ST3GAL6: variants seen among roughly 807,000 people sequenced by gnomAD.
ST3GAL6 encodes ST3 beta-galactoside alpha-2,3-sialyltransferase 6, also known as type 2 lactosamine alpha-2,3-sialyltransferase.
Under a neutral mutation model 40.5 loss-of-function variants are expected in ST3GAL6, and 31 were observed. The observed-to-expected ratio is 0.77, with a 90% CI of 0.58 to 1.03. The LOEUF (loss-of-function observed/expected upper bound fraction) is 1.03. Among genes scored for constraint, ST3GAL6 ranks in the 50% least tolerant of loss-of-function variants. ST3GAL6 has a pLI of 0.00. For missense variants in ST3GAL6, 357 were observed against 393.2 expected, an observed-to-expected ratio of 0.91 and a Z score of 0.78; for synonymous variants, 129 against 136.9, an observed-to-expected ratio of 0.94 and a Z score of 0.40.
chr3:98,776,483 T>C (rs1218815807), intron 5 of ST3GAL6, among the ~76,000 whole-genome samples: 1 of 152,234 alleles, frequency 6.6e-6, no homozygotes, highest in East Asian at 1.9e-4. Flanking sequence ...TGTGAATTTG[T>C]GAGCTGGGCC....
chr3:98,774,898 T>C (rs112077878), intron 5 of ST3GAL6, among the ~76,000 whole-genome samples: 9 of 152,210 alleles, frequency 5.9e-5, no homozygotes, highest in African/African-American at 2.2e-4. Flanking sequence ...TTCATTTCAG[T>C]TTTTTATAAC....
chr3:98,762,862 T>C, upstream of ST3GAL6: 3 of 985,418 alleles, frequency 3.0e-6, no homozygotes, highest in Non-Finnish European at 3.6e-6. Flanking sequence ...GATTTCATCC[T>C]TATGTGAAAA....
At chr3:98,739,439 C>CTCTT (rs1935869647) in intron 1 of ST3GAL6, among the ~76,000 whole-genome samples, 1 of 151,914 alleles carries the variant, frequency 6.6e-6, no homozygotes, top group Non-Finnish European at 1.5e-5. Context: ...AAACACAGAC[C>CTCTT]TCTTGTCTTT....
chr3:98,774,909 T>C (rs1316096953), intron 5 of ST3GAL6, among the ~76,000 whole-genome samples: 1 of 152,244 alleles, frequency 6.6e-6, no homozygotes, highest in Non-Finnish European at 1.5e-5. Flanking sequence ...TTTTTATAAC[T>C]TCAAACTATG....
intron 6 of ST3GAL6, among the ~76,000 whole-genome samples, chr3:98,787,720 G>A (rs1301748627): frequency 6.6e-6 from 1 of 152,134 alleles, no homozygotes; most frequent in East Asian, 1.9e-4. Context: ...TTTCAACTCT[G>A]GTATCCTGTG....
rs559630932 is a variant in ST3GAL6 at position 98,756,406 on chromosome 3, A to T, written c.-11-12024A>T. 4,555 of 1,289,458 alleles carry T rather than the reference A, an allele frequency of 3.5e-3. 17 individuals carry two copies. Among genetic ancestry groups the T allele is most frequent in the Non-Finnish European group, 4.3e-3 (4,249 of 988,566 alleles). 79.9% of individuals were successfully genotyped at this position (1,289,458 alleles called of 1,614,324 possible). ...AGGAAGCAGCACAACCCTGGGTTTT[A>T]GATAATTTCTAACAGAGAGGCCCCA... On this transcript the variant is annotated intron_variant, in intron 1 of 9. Transcript: ENST00000265261.
At chr3:98,768,736 A>G (rs939916761) in intron 2 of ST3GAL6, among the ~76,000 whole-genome samples, 6 of 152,268 alleles carry the variant, frequency 3.9e-5, no homozygotes, top group African/African-American at 7.2e-5. Flanking sequence ...CCTACTTTCT[A>G]TTGACTTCCC....
At chr3:98,757,672 C>T (rs375176922) in intron 1 of ST3GAL6, among the ~76,000 whole-genome samples, 23 of 152,156 alleles carry the variant, frequency 1.5e-4, no homozygotes, top group East Asian at 7.7e-4. Flanking sequence ...TTGGGTATCC[C>T]GGGGGAAGTT....
intron 1 of ST3GAL6, among the ~76,000 whole-genome samples, chr3:98,756,186 C>T (rs1576059024): frequency 6.6e-6 from 1 of 152,152 alleles, no homozygotes. Context: ...GTAATATGTA[C>T]TGTTGGATTT....
chr3:98,732,568 C>T (rs1216981512), intron 1 of ST3GAL6: 3 of 337,208 alleles, frequency 8.9e-6, no homozygotes, highest in Non-Finnish European at 1.6e-5. Flanking sequence ...TGGTCCCCAA[C>T]GCCTCACCCT....
intron 5 of ST3GAL6, among the ~76,000 whole-genome samples, chr3:98,779,084 A>G (rs1173183756): frequency 2.0e-5 from 3 of 152,168 alleles, no homozygotes; most frequent in Admixed American, 2.0e-4. Flanking sequence ...GGATTGAGTT[A>G]GTGGCTCAGT....
At position 98,734,298 on chromosome 3, in the gene ST3GAL6, G is replaced by A. The variant is rs80169990; in HGVS notation, c.-12+1766G>A. Among the ~76,000 whole-genome samples, 661 of 152,224 alleles carry A rather than the reference G, an allele frequency of 4.3e-3. 6 individuals carry two copies. Among genetic ancestry groups the A allele is most frequent in the African/African-American group, 0.014 (600 of 41,530 alleles). On this transcript the variant is annotated intron_variant, in intron 1 of 9. Transcript: ENST00000265261. ...AGTTGGTTTATGTTGCTTCCTTTTT[G>A]TTTCACTAAGAACGCTTTTCATACC...
At position 98,788,445 on chromosome 3, in the gene ST3GAL6, AGT is replaced by A. The variant is rs1366127818; in HGVS notation, c.741_742del (p.Phe248SerfsTer7). Reference sequence around the variant, plus strand: ...CTTATGAACTGCTTCATTTTCCAAAAGTGTTTCCCAAAAATCAGGTATGTATT... The same window carrying A: ...CTTATGAACTGCTTCATTTTCCAAAAGTTTCCCAAAAATCAGGTATGTATT... Reference protein sequence around the residue: ...AAYELLHFPKVFPKNQKPKHP... With the variant: ...AAYELLHFPKXFPKNQKPKHP... On this transcript the variant is annotated frameshift_variant, in exon 8 of 10. Coordinates refer to ENST00000483910, the MANE Select transcript of ST3GAL6 (RefSeq NM_001323368.2). LOFTEE classifies it high-confidence loss of function. The A allele has an allele frequency of 5.0e-6, 8 of 1,608,530 alleles. No homozygotes were observed. Among genetic ancestry groups the A allele is most frequent in the African/African-American group, 1.3e-5 (1 of 74,564 alleles).
chr3:98,762,789 G>A, upstream of ST3GAL6: 1 of 985,346 alleles, frequency 1.0e-6, no homozygotes, highest in Non-Finnish European at 1.2e-6. Flanking sequence ...TCAGATCTCA[G>A]TTTGAATTCT....
At chr3:98,765,476 T>C (rs893479593) in intron 1 of ST3GAL6, among the ~76,000 whole-genome samples, 5 of 152,196 alleles carry the variant, frequency 3.3e-5, no homozygotes, top group African/African-American at 1.2e-4. Flanking sequence ...GATGGACATA[T>C]AAAAGATTTT....
At chr3:98,733,745 C>T (rs1264614709) in intron 1 of ST3GAL6, among the ~76,000 whole-genome samples, 1 of 152,078 alleles carries the variant, frequency 6.6e-6, no homozygotes, top group Non-Finnish European at 1.5e-5. Context: ...CTATAAAAAG[C>T]GACGCCCAGA....
At chr3:98,760,253 C>T (rs1162965526), upstream of ST3GAL6, among the ~76,000 whole-genome samples, 1 of 152,220 alleles carries the variant, frequency 6.6e-6, no homozygotes, top group African/African-American at 2.4e-5. Flanking sequence ...CAGTGCTTCT[C>T]AAACACACAG....
chr3:98,736,107 G>T (rs551769712), intron 1 of ST3GAL6, among the ~76,000 whole-genome samples: 2 of 152,284 alleles, frequency 1.3e-5, no homozygotes, highest in Admixed American at 6.5e-5. Flanking sequence ...TAGGAGGATT[G>T]TCCAGTTTAC....
At chr3:98,759,813 A>G (rs1937603200), upstream of ST3GAL6, among the ~76,000 whole-genome samples, 1 of 152,178 alleles carries the variant, frequency 6.6e-6, no homozygotes, top group East Asian at 1.9e-4. Flanking sequence ...AATCAGAAGG[A>G]GATGCAAGAT....
Sources: gnomAD v4.1 joint callset for allele counts (sites outside exome capture counted in the v4.1 genomes callset) on GRCh38, gnomAD v4.1.1 for gene constraint, MANE v1.5 for transcripts, NCBI Gene and HGNC (gene_info 2026-07-23, HGNC 2026-07-21) for gene names.